SMAD6: variants seen among roughly 807,000 people sequenced by gnomAD.
SMAD6 encodes MAD homolog 6.
A neutral mutation model predicts 39.4 loss-of-function variants in SMAD6; 103 were observed. The observed-to-expected ratio is 2.62, with a 90% CI of 2.23 to 3.08. SMAD6 has a LOEUF of 3.08. Among genes scored for constraint, SMAD6 ranks in the 30% most tolerant of loss-of-function variants. The probability of loss-of-function intolerance (pLI) is 0.00; values close to 1 mark genes in which losing one functional copy is unlikely to be tolerated. For missense variants in SMAD6, 1,104 were observed against 742.9 expected (o/e 1.49, Z -5.65); for synonymous variants, 445 against 353.3 (o/e 1.26, Z -2.91).
chr15:66,770,690 G>A (rs896289101), intron 3 of SMAD6, among the ~76,000 whole-genome samples: 1 of 152,300 alleles, frequency 6.6e-6, no homozygotes, highest in African/African-American at 2.4e-5. Context: ...TTCTCAAAAC[G>A]TGGGCTGATT....
chr15:66,777,833 G>A (rs1179888437), intron 3 of SMAD6, among the ~76,000 whole-genome samples: 4 of 152,240 alleles, frequency 2.6e-5, no homozygotes, highest in African/African-American at 7.2e-5. Flanking sequence ...CAAGGAAGCC[G>A]CAGGGGATGG....
At chr15:66,741,183 G>A (rs1019086090) in intron 3 of SMAD6, 20 of 152,252 alleles carry the variant, frequency 1.3e-4, no homozygotes, top group Non-Finnish European at 2.6e-4. Context: ...GGGCCCAGGT[G>A]GGGAGATGGT....
intron 2 of SMAD6, among the ~76,000 whole-genome samples, chr15:66,713,751 G>A (rs1294200026): frequency 6.6e-6 from 1 of 152,176 alleles, no homozygotes; most frequent in African/African-American, 2.4e-5. Context: ...AGGCTGGGTG[G>A]GCAGAGGCTG....
Position 66,702,982 on chromosome 15 carries a change from G to T in SMAD6, c.-277G>T. ...CCCCTAAAGCGCGGGGGCTGGAGTTGTTGAGCAGCCCCGCCGCTGTGGTCC... is the reference window on the plus strand; with the variant it reads ...CCCCTAAAGCGCGGGGGCTGGAGTTTTTGAGCAGCCCCGCCGCTGTGGTCC... On this transcript the variant is annotated 5_prime_UTR_variant, in exon 1 of 4. Coordinates refer to ENST00000288840, the MANE Select transcript of SMAD6 (RefSeq NM_005585.5). The T allele has an allele frequency of 3.2e-6, 1 of 315,394 alleles. No individual in the cohort carries two copies. The highest frequency in any genetic ancestry group is 5.9e-6 in the Non-Finnish European group (1 of 170,370). The allele number at this position is 315,394 out of a possible 1,614,324, so 19.5% of individuals were successfully genotyped here.
intron 2 of SMAD6, among the ~76,000 whole-genome samples, chr15:66,712,671 TG>T (rs1382167250): frequency 8.3e-6 from 1 of 120,560 alleles, no homozygotes; most frequent in Non-Finnish European, 1.6e-5. Flanking sequence ...GGCGACAGAG[TG>T]AGTGAAATTC....
At chr15:66,729,969 C>CA (rs1390562935) in intron 3 of SMAD6, among the ~76,000 whole-genome samples, 59 of 137,156 alleles carry the variant, frequency 4.3e-4, no homozygotes, top group African/African-American at 1.4e-3. Context: ...CTTAAGAAAA[C>CA]ACTCGCCAGA....
At chr15:66,779,398 G>A (rs1434750789) in intron 3 of SMAD6, among the ~76,000 whole-genome samples, 1 of 152,212 alleles carries the variant, frequency 6.6e-6, no homozygotes, top group Non-Finnish European at 1.5e-5. Context: ...TTACCCCCCA[G>A]CAGACTTGGG....
intron 3 of SMAD6, among the ~76,000 whole-genome samples, chr15:66,763,620 A>G (rs1894241647): frequency 6.6e-6 from 1 of 151,180 alleles, no homozygotes; most frequent in African/African-American, 2.4e-5. Flanking sequence ...GCCACTCCAC[A>G]CTCCCCAGCT....
At chr15:66,744,234 G>C (rs1319022062) in intron 3 of SMAD6, among the ~76,000 whole-genome samples, 1 of 152,198 alleles carries the variant, frequency 6.6e-6, no homozygotes, top group Non-Finnish European at 1.5e-5. Context: ...GCGGCTCTGG[G>C]AGCGACTTCC....
intron 3 of SMAD6, among the ~76,000 whole-genome samples, chr15:66,751,581 A>G (rs1200622682): frequency 6.6e-6 from 1 of 152,184 alleles, no homozygotes; most frequent in Admixed American, 6.6e-5. Context: ...CCTAGTCTAC[A>G]CTGCTTTCCT....
At chr15:66,759,947 C>T (rs932375999) in intron 3 of SMAD6, among the ~76,000 whole-genome samples, 8 of 152,218 alleles carry the variant, frequency 5.3e-5, no homozygotes, top group African/African-American at 1.2e-4. Flanking sequence ...CAAGGCCCGG[C>T]ATGGTCTGGT....
chr15:66,754,637 G>A (rs1894066176), intron 3 of SMAD6, among the ~76,000 whole-genome samples: 1 of 152,178 alleles, frequency 6.6e-6, no homozygotes, highest in East Asian at 1.9e-4. Flanking sequence ...ATGCCTACTA[G>A]CTGTTCAGCA....
chr15:66,731,704 T>C (rs1454117730), intron 3 of SMAD6, among the ~76,000 whole-genome samples: 1 of 152,228 alleles, frequency 6.6e-6, no homozygotes, highest in Non-Finnish European at 1.5e-5. Context: ...CAGATTTTTG[T>C]GTGAACATGG....
chr15:66,710,325 C>T (rs1332546676), intron 1 of SMAD6, among the ~76,000 whole-genome samples: 3 of 152,294 alleles, frequency 2.0e-5, no homozygotes, highest in Non-Finnish European at 1.5e-5. Flanking sequence ...AGACACCGAG[C>T]AAATGTTCGC....
chr15:66,772,820 C>T (rs1595799717), intron 3 of SMAD6, among the ~76,000 whole-genome samples: 1 of 152,226 alleles, frequency 6.6e-6, no homozygotes, highest in Non-Finnish European at 1.5e-5. Context: ...TCTTTTAACC[C>T]TGTGCAGGAG....
rs1894549487 is a variant in SMAD6, at chr15:66,780,991, C to T, written c.953-6C>T. The T allele has an allele frequency of 1.3e-6, 2 of 1,557,442 alleles. No individual in the cohort carries two copies. The highest frequency in any genetic ancestry group is 1.7e-6 in the Non-Finnish European group (2 of 1,156,226). On this transcript the variant is annotated splice_polypyrimidine_tract_variant and splice_region_variant and intron_variant, in intron 3 of 3. Transcript: ENST00000288840. ...TAACGCGGCGGTCCCTGTGCTTGTC[C>T]CGCAGACGCCAGCATGTCTCCGGAC...
At chr15:66,745,777 T>G (rs571783638) in intron 3 of SMAD6, among the ~76,000 whole-genome samples, 1 of 152,338 alleles carries the variant, frequency 6.6e-6, no homozygotes, top group South Asian at 2.1e-4. Flanking sequence ...GGCCTCAGCT[T>G]GCTCACCCAC....
intron 3 of SMAD6, among the ~76,000 whole-genome samples, chr15:66,769,803 C>A (rs1451636288): frequency 6.6e-6 from 1 of 152,066 alleles, no homozygotes; most frequent in Non-Finnish European, 1.5e-5. Context: ...GCTCTGGGAA[C>A]CTGCAAGATG....
At chr15:66,717,425 C>T (rs1893351443) in intron 3 of SMAD6, 1 of 455,978 alleles carries the variant, frequency 2.2e-6, no homozygotes, top group Non-Finnish European at 4.4e-6. Flanking sequence ...TATGCATTCT[C>T]TTGGGACAGC....
Sources: gnomAD v4.1 joint callset for allele counts (sites outside exome capture counted in the v4.1 genomes callset) on GRCh38, gnomAD v4.1.1 for gene constraint, MANE v1.5 for transcripts, NCBI Gene and HGNC (gene_info 2026-07-23, HGNC 2026-07-21) for gene names.